STIM2: variants seen among roughly 807,000 people sequenced by gnomAD.
STIM2 encodes stromal interaction molecule 2.
A neutral mutation model predicts 85.8 loss-of-function variants in STIM2; 31 were observed. The observed-to-expected ratio is 0.36, with a 90% CI of 0.27 to 0.49. The LOEUF (loss-of-function observed/expected upper bound fraction) is 0.49, where lower values mean the gene tolerates loss of function less well. STIM2 is among the 20% of genes least tolerant of loss of function. The pLI, the probability that STIM2 is intolerant of heterozygous loss-of-function variation, is 0.98. For synonymous variants in STIM2, 356 were observed against 331.1 expected (o/e 1.08, Z -0.82); for missense variants, 841 against 927.6 (o/e 0.91, Z 1.21).
intron 1 of STIM2, among the ~76,000 whole-genome samples, chr4:26,884,679 T>C (rs1242406824): frequency 1.3e-5 from 2 of 152,224 alleles, no homozygotes; most frequent in Non-Finnish European, 2.9e-5. Flanking sequence ...AAACACCCTG[T>C]TTATTTAGCA....
intron 1 of STIM2, among the ~76,000 whole-genome samples, chr4:26,870,825 A>G (rs1341081648): frequency 3.9e-5 from 6 of 151,948 alleles, no homozygotes; most frequent in Admixed American, 3.3e-4. Flanking sequence ...TATGTGCTGT[A>G]TTTTACTGAA....
chr4:26,880,909 G>C lies in STIM2; in HGVS notation c.151+19540G>C, dbSNP rs796639762. Among the ~76,000 whole-genome samples the C allele has an allele frequency of 1.1e-4, 16 of 151,268 alleles. No individual in the cohort carries two copies. The East Asian group carries it at 2.9e-3, about 28-fold the overall frequency. Reference sequence around the variant, plus strand: ...CATAGGTTCTCTTATTTTGAACTTGGAAAATATATGCAAGTGTAGACAAGA... The same window carrying C: ...CATAGGTTCTCTTATTTTGAACTTGCAAAATATATGCAAGTGTAGACAAGA... On this transcript the variant is annotated intron_variant, in intron 1 of 11. Coordinates refer to ENST00000467087, the MANE Select transcript of STIM2 (RefSeq NM_020860.4).
Position 26,977,703 on chromosome 4 carries a change from T to A in STIM2, c.398-17676T>A, listed in dbSNP as rs543587586. Among the ~76,000 whole-genome samples, 5 of 152,302 alleles carry A rather than the reference T, an allele frequency of 3.3e-5. No homozygotes were observed. The South Asian group carries it at 1.0e-3, about 32-fold the overall frequency. ...TTAGGTTTTATGTGGCATTGAAATT[T>A]CTTGGGAATAGGAGTAATTAGGAAA... On this transcript the variant is annotated intron_variant, in intron 3 of 11. Coordinates refer to ENST00000467087, the MANE Select transcript of STIM2 (RefSeq NM_020860.4).
chr4:26,885,869 A>ATG lies in STIM2; in HGVS notation c.151+24501_151+24502insGT, dbSNP rs1560194719. On this transcript the variant is annotated intron_variant, in intron 1 of 11. Coordinates refer to ENST00000467087, the MANE Select transcript of STIM2 (RefSeq NM_020860.4). The stretch of plus-strand genomic sequence containing the variant: ...TATATATATATATATATATATATAT[A>ATG]TATATGTATATGTCTATTCATGTAA... Among the ~76,000 whole-genome samples, 268 of 105,196 alleles carry ATG rather than the reference A, an allele frequency of 2.5e-3. 5 individuals carry two copies. Among genetic ancestry groups the ATG allele is most frequent in the Middle Eastern group, 0.017 (3 of 178 alleles). The allele number at this position is 105,196 out of a possible 152,430, so 69.0% of individuals were successfully genotyped here. A position where few individuals can be genotyped will look rare whatever the true frequency, so the allele number is the denominator to read the frequency against.
At chr4:26,929,726 C>G (rs1311389005) in intron 2 of STIM2, among the ~76,000 whole-genome samples, 1 of 151,656 alleles carries the variant, frequency 6.6e-6, no homozygotes, top group Non-Finnish European at 1.5e-5. Context: ...TATCTGATGG[C>G]CTATTTTATA....
chr4:27,000,303 G>C (rs995583944), intron 5 of STIM2, among the ~76,000 whole-genome samples: 6 of 152,224 alleles, frequency 3.9e-5, no homozygotes, highest in Admixed American at 6.5e-5. Context: ...GAAACAGCTG[G>C]AACTCCCCAT....
chr4:26,970,842 A>C, intron 3 of STIM2, among the ~76,000 whole-genome samples: 1 of 152,200 alleles, frequency 6.6e-6, no homozygotes, highest in Non-Finnish European at 1.5e-5. Flanking sequence ...TGGTTGAACT[A>C]ACTTACACTC....
At chr4:26,870,681 C>T (rs1722580671) in intron 1 of STIM2, among the ~76,000 whole-genome samples, 1 of 152,036 alleles carries the variant, frequency 6.6e-6, no homozygotes, top group South Asian at 2.1e-4. Context: ...CAGTGAGTCC[C>T]ATGTGCCAGA....
In STIM2 at chr4:27,009,019, A is replaced by T. The variant is rs940964906; in HGVS notation, c.1489+17A>T. ...AATTTCCCGGTAAGTGGCAATTTCAACAAAAATTGTTGGTACAGGTTTTAA... is the reference window on the plus strand; with the variant it reads ...AATTTCCCGGTAAGTGGCAATTTCATCAAAAATTGTTGGTACAGGTTTTAA... On this transcript the variant is annotated intron_variant, in intron 10 of 11. Coordinates refer to ENST00000467087, the MANE Select transcript of STIM2 (RefSeq NM_020860.4). The T allele has an allele frequency of 5.0e-6, 8 of 1,603,732 alleles. No homozygotes were observed. Among genetic ancestry groups the T allele is most frequent in the Non-Finnish European group, 6.8e-6 (8 of 1,172,540 alleles).
In STIM2 at chr4:26,987,564, T is replaced by C. The variant is rs186264697; in HGVS notation, c.398-7815T>C. On this transcript the variant is annotated intron_variant, in intron 3 of 11. Coordinates refer to ENST00000467087, the MANE Select transcript of STIM2 (RefSeq NM_020860.4). ...GTCCCCACTTTCCCATCCCCCACCA[T>C]CTCCTTTGTTCCAGAGCCATGCTGC... 7.7e-4 allele frequency among the ~76,000 whole-genome samples: 117 copies of C among 152,172 alleles called. 1 individual carries two copies. The highest frequency in any genetic ancestry group is 2.1e-3 in the Admixed American group (32 of 15,282).
At chr4:26,870,120 CA>C (rs1375374305) in intron 1 of STIM2, among the ~76,000 whole-genome samples, 22 of 151,970 alleles carry the variant, frequency 1.4e-4, no homozygotes, top group Admixed American at 1.2e-3. Flanking sequence ...TGGTGGTTAC[CA>C]GGGGCTAGGG....
chr4:26,872,024 G>A (rs529647335), intron 1 of STIM2, among the ~76,000 whole-genome samples: 1 of 152,298 alleles, frequency 6.6e-6, no homozygotes, highest in South Asian at 2.1e-4. Flanking sequence ...TACTCTGTGT[G>A]TGCTTAGAAT....
At chr4:27,016,543 G>A (rs1361338402) in intron 10 of STIM2, among the ~76,000 whole-genome samples, 1 of 152,184 alleles carries the variant, frequency 6.6e-6, no homozygotes, top group Non-Finnish European at 1.5e-5. Flanking sequence ...GTATGAACTT[G>A]CACTCCAATC....
At chr4:26,993,220 A>G (rs928528071) in intron 3 of STIM2, among the ~76,000 whole-genome samples, 3 of 152,128 alleles carry the variant, frequency 2.0e-5, no homozygotes, top group Non-Finnish European at 2.9e-5. Context: ...TAAAAAGTCT[A>G]CTTTGAATGC....
At chr4:26,876,770 T>G (rs1722829948) in intron 1 of STIM2, among the ~76,000 whole-genome samples, 1 of 152,076 alleles carries the variant, frequency 6.6e-6, no homozygotes, top group Non-Finnish European at 1.5e-5. Flanking sequence ...GATTATACTT[T>G]ACAGTTCAGG....
chr4:26,975,024 CA>C (rs1251950297), intron 3 of STIM2, among the ~76,000 whole-genome samples: 16 of 152,130 alleles, frequency 1.1e-4, no homozygotes, highest in Admixed American at 9.8e-4. Flanking sequence ...TCTACTTGAT[CA>C]AATTGGCTAT....
At chr4:27,013,512 C>A (rs1489885777) in intron 10 of STIM2, among the ~76,000 whole-genome samples, 2 of 151,908 alleles carry the variant, frequency 1.3e-5, no homozygotes, top group African/African-American at 2.4e-5. Flanking sequence ...TCATTCCATT[C>A]TTTTCTACTT....
intron 1 of STIM2, among the ~76,000 whole-genome samples, chr4:26,899,997 T>C (rs933250208): frequency 1.3e-5 from 2 of 152,176 alleles, no homozygotes; most frequent in Non-Finnish European, 2.9e-5. Context: ...ATCTATCTAT[T>C]TCATATAGTT....
intron 2 of STIM2, among the ~76,000 whole-genome samples, chr4:26,919,845 G>T (rs10939141): frequency 0.31 from 47,621 of 151,792 alleles, 7,651 homozygotes; most frequent in African/African-American, 0.41. Flanking sequence ...CTTCCCAGTT[G>T]TATAAAAATT....
Sources: gnomAD v4.1 joint callset for allele counts (sites outside exome capture counted in the v4.1 genomes callset) on GRCh38, gnomAD v4.1.1 for gene constraint, MANE v1.5 for transcripts, NCBI Gene and HGNC (gene_info 2026-07-23, HGNC 2026-07-21) for gene names.